Variants in FBLIM1 observed in about 807,000 individuals in gnomAD.
The protein encoded by FBLIM1 is filamin binding LIM protein 1, also known as filamin-binding LIM protein 1.
A neutral mutation model predicts 37.4 loss-of-function variants in FBLIM1; 29 were observed. That is an observed-to-expected ratio of 0.77 (90% CI 0.58 to 1.06). FBLIM1 has a LOEUF of 1.06. Among genes scored for constraint, FBLIM1 ranks in the 50% least tolerant of loss-of-function variants. FBLIM1 has a pLI of 0.00. For synonymous variants in FBLIM1, 193 were observed against 199.0 expected, an observed-to-expected ratio of 0.97 and a Z score of 0.25; for missense variants, 449 against 505.6, an observed-to-expected ratio of 0.89 and a Z score of 1.07.
In FBLIM1 at chr1:15,765,345, C is replaced by T; in HGVS notation, c.250+112C>T. The T allele has an allele frequency of 7.1e-7, 1 of 1,416,080 alleles. No individual in the cohort carries two copies. Among genetic ancestry groups the T allele is most frequent in the African/African-American group, 1.4e-5 (1 of 69,804 alleles). The allele number at this position is 1,416,080 out of a possible 1,614,324, so 87.7% of individuals were successfully genotyped here. A position where few individuals can be genotyped will look rare whatever the true frequency, so the allele number is the denominator to read the frequency against. ...ATTATTCATCCTGACAAAATTCACA[C>T]ATCAACGGGAAACAAAAAGATGTGC... On this transcript the variant is annotated intron_variant, in intron 3 of 8. Transcript: ENST00000375766. This position sits in a 1 kb window ranked among gnomAD's most constrained non-coding sequence, Gnocchi z 5.9.
At chr1:15,779,632 G>A (rs1299642726) in intron 8 of FBLIM1, among the ~76,000 whole-genome samples, 1 of 152,106 alleles carries the variant, frequency 6.6e-6, no homozygotes, top group Non-Finnish European at 1.5e-5. Context: ...TGTGACTGGA[G>A]TGTAGAGGGC....
chr1:15,763,086 T>A (rs1250371980), intron 1 of FBLIM1, among the ~76,000 whole-genome samples: 2 of 149,068 alleles, frequency 1.3e-5, no homozygotes, highest in African/African-American at 4.9e-5. Context: ...TTTTTTTTTT[T>A]AGACAGAGTT....
At chr1:15,774,930 A>AGGGCT in intron 7 of FBLIM1, 134 bp downstream of exon 7, 2 of 1,559,206 alleles carry the variant, frequency 1.3e-6, no homozygotes, top group East Asian at 2.4e-5. Flanking sequence ...AGAATATTAC[A>AGGGCT]GGGCTGGGCT....
chr1:15,761,632 C>T (rs2068677282), intron 1 of FBLIM1, among the ~76,000 whole-genome samples: 2 of 152,216 alleles, frequency 1.3e-5, no homozygotes, highest in African/African-American at 2.4e-5. Flanking sequence ...TACTTCCAGA[C>T]ATCATTTCCA....
chr1:15,761,963 C>A (rs1245778800), intron 1 of FBLIM1, among the ~76,000 whole-genome samples: 1 of 152,196 alleles, frequency 6.6e-6, no homozygotes, highest in Non-Finnish European at 1.5e-5. Context: ...GCTTTCCCAC[C>A]CATGGCCCCA....
chr1:15,766,960 G>C (rs1288817729), intron 3 of FBLIM1, among the ~76,000 whole-genome samples: 1 of 147,342 alleles, frequency 6.8e-6, no homozygotes, highest in African/African-American at 2.5e-5. Context: ...TGTGATCTAA[G>C]CTCACTGCAG....
chr1:15,772,769 C>T (rs2069281905), intron 6 of FBLIM1, among the ~76,000 whole-genome samples: 1 of 152,078 alleles, frequency 6.6e-6, no homozygotes, highest in Non-Finnish European at 1.5e-5. Context: ...GCCTGGGCAA[C>T]ATAGCAAGAC....
At chr1:15,764,159 A>G (rs1423994131) in intron 1 of FBLIM1, among the ~76,000 whole-genome samples, 1 of 152,100 alleles carries the variant, frequency 6.6e-6, no homozygotes, top group Admixed American at 6.6e-5. Context: ...CAGGGCTGAG[A>G]AAGGTCAGAG....
intron 1 of FBLIM1, among the ~76,000 whole-genome samples, chr1:15,763,594 C>G (rs1047590294): frequency 1.3e-5 from 2 of 150,376 alleles, no homozygotes; most frequent in Non-Finnish European, 3.0e-5. Context: ...CAAGATCGTG[C>G]CACTGCACTC....
In FBLIM1 at chr1:15,774,545, C is replaced by G. The variant is rs1017319002; in HGVS notation, c.712-73C>G. On this transcript the variant is annotated intron_variant, in intron 6 of 8. Coordinates refer to ENST00000375766, the MANE Select transcript of FBLIM1 (RefSeq NM_017556.4). ...GTTCCTGGGCCCCTGAGGGCAGCCTCTCAGAAGAAGACGACCCTCGTGGGT... is the reference window on the plus strand; with the variant it reads ...GTTCCTGGGCCCCTGAGGGCAGCCTGTCAGAAGAAGACGACCCTCGTGGGT... 56 of 1,536,298 alleles carry G rather than the reference C, an allele frequency of 3.6e-5. 3 individuals are homozygous for G. In the South Asian group the frequency reaches 7.2e-4, roughly 20 times the overall value.
chr1:15,759,802 T>TG (rs1394141927), intron 1 of FBLIM1, among the ~76,000 whole-genome samples: 1 of 152,116 alleles, frequency 6.6e-6, no homozygotes, highest in Non-Finnish European at 1.5e-5. Flanking sequence ...TCTGTTTCCC[T>TG]GGGGTGGGAA....
intron 6 of FBLIM1, among the ~76,000 whole-genome samples, chr1:15,773,405 A>C (rs1041152616): frequency 6.6e-6 from 1 of 151,564 alleles, no homozygotes; most frequent in Non-Finnish European, 1.5e-5. Context: ...AAGCCTGGGC[A>C]CGGTGGCTCA....
intron 8 of FBLIM1, among the ~76,000 whole-genome samples, chr1:15,783,114 G>A (rs1187689038): frequency 2.0e-5 from 3 of 151,974 alleles, no homozygotes; most frequent in Non-Finnish European, 4.4e-5. Flanking sequence ...ACTCTTTTGT[G>A]GGATCAGTGC....
chr1:15,763,417 G>A (rs977600422), intron 1 of FBLIM1, among the ~76,000 whole-genome samples: 2 of 151,474 alleles, frequency 1.3e-5, no homozygotes, highest in African/African-American at 4.8e-5. Flanking sequence ...CGGATCACGA[G>A]GTCAGGAGAT....
Position 15,765,059 on chromosome 1 carries a change from G to T in FBLIM1, c.76G>T (p.Val26Leu), listed in dbSNP as rs202246562. 1.9e-6 allele frequency: 3 copies of T among 1,614,104 alleles called. No homozygotes were observed. The South Asian group carries it at 3.3e-5, about 18-fold the overall frequency. Residue 26 changes from valine to leucine, a missense_variant, in exon 3 of 9, where the codon GTG (valine) becomes TTG (leucine). Coordinates refer to ENST00000375766, the MANE Select transcript of FBLIM1 (RefSeq NM_017556.4). This position sits in a 1 kb window ranked among gnomAD's most constrained non-coding sequence, Gnocchi z 5.9. ...TLAPPRRDVAVAEEVRQAVCE... is the reference protein window; with the variant it reads ...TLAPPRRDVALAEEVRQAVCE... ...GGCACCCCCGCGCCGCGATGTGGCC[G>T]TGGCGGAGGAAGTGAGGCAGGCAGT...
Position 15,774,805 on chromosome 1 carries a change from AG to A in FBLIM1, c.890+12del. On this transcript the variant is annotated intron_variant, in intron 7 of 8. Transcript: ENST00000375766. ...CTGGACGACTTCTACAGGTACGAGA[AG>A]GGTTTGTGCACTGGGTGGGGTGCAG... 2 of 1,614,050 alleles carry A rather than the reference AG, an allele frequency of 1.2e-6. No homozygotes were observed. The highest frequency in any genetic ancestry group is 1.7e-6 in the Non-Finnish European group (2 of 1,179,956).
Position 15,765,305 on chromosome 1 carries a change from G to GTCAT in FBLIM1, c.250+86_250+89dup. 4 of 1,507,968 alleles carry GTCAT rather than the reference G, an allele frequency of 2.7e-6. No homozygotes were observed. In the South Asian group the frequency reaches 3.9e-5, roughly 15 times the overall value. The allele number at this position is 1,507,968 out of a possible 1,614,324, so 93.4% of individuals were successfully genotyped here. A position where few individuals can be genotyped will look rare whatever the true frequency, so the allele number is the denominator to read the frequency against. ...TGGGGAGGAAAGGGCAGGCTCCAGC[G>GTCAT]TCATTCATTCATTCATTATTCATCC... On this transcript the variant is annotated intron_variant, in intron 3 of 8. Transcript: ENST00000375766. This position sits in a 1 kb window ranked among gnomAD's most constrained non-coding sequence, Gnocchi z 5.9.
At chr1:15,781,645 A>G (rs964457069) in intron 8 of FBLIM1, among the ~76,000 whole-genome samples, 1 of 150,878 alleles carries the variant, frequency 6.6e-6, no homozygotes, top group African/African-American at 2.4e-5. Context: ...CACCATTTCT[A>G]CTTGCTTTGG....
chr1:15,779,824 G>A (rs911266748), intron 8 of FBLIM1, among the ~76,000 whole-genome samples: 4 of 152,044 alleles, frequency 2.6e-5, no homozygotes, highest in Non-Finnish European at 4.4e-5. Context: ...TGATCAGAAG[G>A]GTCCTATGCT....
Sources: gnomAD v4.1 joint callset for allele counts (sites outside exome capture counted in the v4.1 genomes callset) on GRCh38, gnomAD v4.1.1 for gene constraint, Gnocchi (gnomAD v3.1) non-coding constraint, MANE v1.5 for transcripts, NCBI Gene and HGNC (gene_info 2026-07-23, HGNC 2026-07-21) for gene names.